Variants in MDH1 observed in about 807,000 individuals in gnomAD.
MDH1 encodes the protein malate dehydrogenase 1.
In MDH1, 15 loss-of-function variants were observed where a neutral mutation model predicts 38.7. The ratio of observed to expected loss-of-function variants is 0.39; its 90% CI spans 0.26 to 0.60. MDH1 has a LOEUF of 0.60. MDH1 is among the 20% of genes least tolerant of loss of function. MDH1 has a pLI of 0.56. For missense variants in MDH1, 368 were observed against 405.2 expected, an observed-to-expected ratio of 0.91 and a Z score of 0.79; for synonymous variants, 144 against 143.6, an observed-to-expected ratio of 1.00 and a Z score of -0.02.
chr2:63,589,545 G>A (rs955614595), intron 1 of MDH1, among the ~76,000 whole-genome samples: 3 of 152,164 alleles, frequency 2.0e-5, no homozygotes, highest in Non-Finnish European at 2.9e-5. Context: ...CAGCAGACGT[G>A]TTTCCGCCAT....
chr2:63,599,315 C>T (rs1456718578), intron 5 of MDH1, 23 bp downstream of exon 5: 2 of 1,598,294 alleles, frequency 1.3e-6, no homozygotes, highest in South Asian at 1.1e-5. Context: ...TATTTTAAAT[C>T]TTGTGGTTGT....
intron 5 of MDH1, chr2:63,600,023 C>G (rs766383522): frequency 6.6e-6 from 1 of 152,238 alleles, no homozygotes; most frequent in South Asian, 2.1e-4. Context: ...GCTTTTCTGG[C>G]CATCCCTTCT....
chr2:63,589,317 G>C, intron 1 of MDH1: 1 of 1,550,670 alleles, frequency 6.4e-7, no homozygotes, highest in Non-Finnish European at 8.7e-7. Context: ...GCTGCATGAC[G>C]GGAGGACAAA....
rs918741289 is a variant in MDH1, at chr2:63,589,000, G to A, written c.-44G>A. On this transcript the variant is annotated 5_prime_UTR_variant, in exon 1 of 9. Transcript: ENST00000233114. ...CGGTAGAGGTGACCTGACTCTCTGA[G>A]GCTCATTTTGCAGTTGTTGAAATTG... The A allele has an allele frequency of 1.2e-5, 19 of 1,614,046 alleles. No homozygotes were observed. The highest frequency in any genetic ancestry group is 1.6e-5 in the Non-Finnish European group (19 of 1,180,022).
chr2:63,600,586 G>A (rs996153796), intron 5 of MDH1, among the ~76,000 whole-genome samples: 1 of 152,192 alleles, frequency 6.6e-6, no homozygotes, highest in African/African-American at 2.4e-5. Context: ...TTAGCATGGT[G>A]CCTGCACATA....
chr2:63,602,711 A>T (rs990550584), intron 5 of MDH1, among the ~76,000 whole-genome samples: 2 of 152,046 alleles, frequency 1.3e-5, no homozygotes, highest in Admixed American at 1.3e-4. Context: ...TCTGTCCCTG[A>T]CATCATTTTT....
chr2:63,600,362 C>T (rs1049560310), intron 5 of MDH1, among the ~76,000 whole-genome samples: 1 of 152,184 alleles, frequency 6.6e-6, no homozygotes, highest in Admixed American at 6.5e-5. Flanking sequence ...AGTCAGAGAA[C>T]CTGCTCAGAG....
At chr2:63,589,374 A>G in intron 1 of MDH1, 1 of 1,550,604 alleles carries the variant, frequency 6.4e-7, no homozygotes, top group African/African-American at 1.4e-5. Context: ...GTGTTTGATA[A>G]GGACGATAAG....
In MDH1 at chr2:63,594,532, T is replaced by C; in HGVS notation, c.48T>C (p.Ile16=). 1 of 1,613,960 alleles carries C rather than the reference T, an allele frequency of 6.2e-7. No homozygotes were observed. Among genetic ancestry groups the C allele is most frequent in the South Asian group, 1.1e-5 (1 of 91,076 alleles). ...TTGTGACTGGAGCAGCTGGTCAAAT[T>C]GCATATTCACTGCTGTACAGTATTG... ...RVLVTGAAGQ[I]AYSLLYSIGN... The change falls in exon 2 of 9, where the codon ATT becomes ATC. Residue 16 remains isoleucine, a synonymous_variant. Coordinates refer to ENST00000233114, the MANE Select transcript of MDH1 (RefSeq NM_005917.4).
chr2:63,605,041 A>C (rs1333900908), intron 6 of MDH1, among the ~76,000 whole-genome samples, 169 bp downstream of exon 6: 1 of 152,188 alleles, frequency 6.6e-6, no homozygotes, highest in African/African-American at 2.4e-5. Context: ...ATGTGACAGC[A>C]GTTGAGATTT....
At chr2:63,594,617 A>G in intron 2 of MDH1, 31 bp downstream of exon 2, 1 of 1,442,634 alleles carries the variant, frequency 6.9e-7, no homozygotes, top group Non-Finnish European at 9.7e-7. Flanking sequence ...ATCTTAAGTT[A>G]TTAGAGTAAG....
intron 5 of MDH1, 55 bp downstream of exon 5, chr2:63,599,347 C>A: frequency 1.3e-6 from 2 of 1,550,984 alleles, no homozygotes; most frequent in South Asian, 1.2e-5. Flanking sequence ...ACATTTTTCT[C>A]TCACTTTTAA....
At chr2:63,599,513 T>C in intron 5 of MDH1, 1 of 344,960 alleles carries the variant, frequency 2.9e-6, no homozygotes, top group Non-Finnish European at 5.2e-6. Flanking sequence ...CTTGATTTCG[T>C]CTTTAACTAT....
rs540315035 is a variant in MDH1, at chr2:63,604,089, A to G, written c.499-607A>G. Among the ~76,000 whole-genome samples the G allele has an allele frequency of 2.6e-4, 39 of 152,390 alleles. 1 individual carries two copies. In the South Asian group the frequency reaches 7.9e-3, roughly 31 times the overall value. On this transcript the variant is annotated intron_variant, in intron 5 of 8. Coordinates refer to ENST00000233114, the MANE Select transcript of MDH1 (RefSeq NM_005917.4). ...TATGTTATAATTTTAGAGTGTATATATGTGTGTACACACACACACATACAC... is the reference window on the plus strand; with the variant it reads ...TATGTTATAATTTTAGAGTGTATATGTGTGTGTACACACACACACATACAC...
At chr2:63,596,920 G>C (rs546993268) in intron 3 of MDH1, among the ~76,000 whole-genome samples, 11 of 152,260 alleles carry the variant, frequency 7.2e-5, no homozygotes, top group South Asian at 4.1e-4. Flanking sequence ...AAAATCAGAA[G>C]ATTAAATTTG....
chr2:63,589,083 C>T (rs200487040), intron 1 of MDH1, 37 bp downstream of exon 1: 1 of 1,614,124 alleles, frequency 6.2e-7, no homozygotes, highest in Admixed American at 1.7e-5. Context: ...CACCTCTGGC[C>T]CTCGCGCCCT....
chr2:63,596,984 T>C (rs948164189), intron 3 of MDH1, among the ~76,000 whole-genome samples: 6 of 152,180 alleles, frequency 3.9e-5, no homozygotes, highest in Admixed American at 1.3e-4. Flanking sequence ...TCAATAAACA[T>C]TTATTATTTT....
intron 5 of MDH1, chr2:63,599,737 T>C (rs918695789): frequency 6.6e-6 from 1 of 152,268 alleles, no homozygotes; most frequent in Non-Finnish European, 1.5e-5. Flanking sequence ...AATTTTTAAT[T>C]TTATATTTAA....
At chr2:63,594,733 T>C (rs945583759) in intron 2 of MDH1, 147 bp downstream of exon 2, 2 of 611,696 alleles carry the variant, frequency 3.3e-6, no homozygotes, top group African/African-American at 3.7e-5. Context: ...AAATGGAAGC[T>C]ACTAAGGTAT....
Sources: allele counts gnomAD v4.1 joint callset (sites outside exome capture counted in the v4.1 genomes callset), GRCh38; gene constraint gnomAD v4.1.1; transcripts MANE v1.5; gene names NCBI Gene and HGNC (gene_info 2026-07-23, HGNC 2026-07-21).